The following LIMCH1 variants were observed in gnomAD, a reference collection of about 807,000 sequenced individuals.
LIMCH1 encodes LIM and calponin homology domains-containing protein 1.
A neutral mutation model predicts 176.5 loss-of-function variants in LIMCH1; 113 were observed. The ratio of observed to expected loss-of-function variants is 0.64; its 90% confidence interval spans 0.55 to 0.75. The LOEUF (loss-of-function observed/expected upper bound fraction) is 0.75, where lower values mean the gene tolerates loss of function less well. Among genes scored for constraint, LIMCH1 ranks in the 30% least tolerant of loss-of-function variants. The pLI is 0.00. For synonymous variants in LIMCH1, 619 were observed against 645.9 expected, an observed-to-expected ratio of 0.96 and a Z score of 0.63; for missense variants, 1,674 against 1,814.9, an observed-to-expected ratio of 0.92 and a Z score of 1.41.
intron 1 of LIMCH1, among the ~76,000 whole-genome samples, chr4:41,384,410 G>A (rs1971903): frequency 0.079 from 11,897 of 151,446 alleles, 545 homozygotes; most frequent in African/African-American, 0.13. Flanking sequence ...GGGTTTCACC[G>A]TATTAGCCAG....
chr4:41,634,811 G>A (rs1447102294), intron 13 of LIMCH1, among the ~76,000 whole-genome samples: 2 of 152,206 alleles, frequency 1.3e-5, no homozygotes, highest in Non-Finnish European at 2.9e-5. Flanking sequence ...GTAGAGAAAA[G>A]CTGCGTGAGT....
At chr4:41,632,713 C>T (rs999038010) in intron 10 of LIMCH1, 36 bp from the exon 11 acceptor site, 1 of 1,490,404 alleles carries the variant, frequency 6.7e-7, no homozygotes, top group African/African-American at 1.4e-5. Flanking sequence ...ATGTTCCTCT[C>T]CTCTCTTGCC....
chr4:41,368,629 T>C (rs1449263266), intron 1 of LIMCH1, among the ~76,000 whole-genome samples: 1 of 152,200 alleles, frequency 6.6e-6, no homozygotes, highest in Non-Finnish European at 1.5e-5. Context: ...ATGCTACACA[T>C]ACTTTTATTA....
At chr4:41,576,733 T>C (rs187678622) in intron 1 of LIMCH1, among the ~76,000 whole-genome samples, 6 of 152,334 alleles carry the variant, frequency 3.9e-5, no homozygotes, top group Admixed American at 3.9e-4. Context: ...TAGCCTAATT[T>C]GAGTGTAGTC....
In LIMCH1 at chr4:41,633,774, G is replaced by A; in HGVS notation, c.2056G>A (p.Glu686Lys). The change falls in exon 13 of 32, where the codon GAA becomes AAA. Residue 686 changes from glutamate (E) to lysine (K), a missense_variant. Physicochemically the swap from Glu to Lys is moderately conservative, Grantham distance 56. Transcript: ENST00000503057. ...VPFAKQQDVE[E>K]SSKGLPMKDQ... ...ATTTGCAAAGCAACAGGATGTGGAAGAATCTTCTAAAGGTCTACCCATGAA... is the reference window on the plus strand; with the variant it reads ...ATTTGCAAAGCAACAGGATGTGGAAAAATCTTCTAAAGGTCTACCCATGAA... The A allele has an allele frequency of 6.5e-7, 1 of 1,536,204 alleles. No individual in the cohort carries two copies. The highest frequency in any genetic ancestry group is 8.7e-7 in the Non-Finnish European group (1 of 1,146,930).
chr4:41,406,812 G>A (rs1235641990), intron 1 of LIMCH1, among the ~76,000 whole-genome samples: 1 of 152,048 alleles, frequency 6.6e-6, no homozygotes, highest in Non-Finnish European at 1.5e-5. Flanking sequence ...GAACTGAGGC[G>A]GGATATATAT....
intron 13 of LIMCH1, among the ~76,000 whole-genome samples, chr4:41,636,754 CAACTT>C (rs1183680204): frequency 6.6e-6 from 1 of 152,114 alleles, no homozygotes; most frequent in Non-Finnish European, 1.5e-5. Flanking sequence ...TGTGTAGAAA[CAACTT>C]AAATTCAGAT....
chr4:41,574,333 G>A (rs983851200), intron 1 of LIMCH1, among the ~76,000 whole-genome samples: 35 of 137,376 alleles, frequency 2.5e-4, no homozygotes, highest in Non-Finnish European at 4.1e-4. Context: ...TTGCTGTGTC[G>A]ACCAGGCTGG....
At chr4:41,367,951 A>C (rs1420201822) in intron 1 of LIMCH1, among the ~76,000 whole-genome samples, 1 of 152,082 alleles carries the variant, frequency 6.6e-6, no homozygotes, top group Non-Finnish European at 1.5e-5. Context: ...AACTGTTAAA[A>C]AAAATTCCTC....
intron 1 of LIMCH1, among the ~76,000 whole-genome samples, chr4:41,364,979 C>G (rs1157016149): frequency 2.0e-5 from 3 of 152,308 alleles, no homozygotes; most frequent in East Asian, 1.9e-4. Flanking sequence ...CCCCGCTTCT[C>G]TTGGCCTCAC....
In LIMCH1 at chr4:41,635,020, C is replaced by G. The variant is rs548919912; in HGVS notation, c.2090+1212C>G. Among the ~76,000 whole-genome samples the G allele has an allele frequency of 7.6e-4, 115 of 152,290 alleles. 2 individuals carry two copies. The South Asian group carries it at 0.023, about 31-fold the overall frequency. On this transcript the variant is annotated intron_variant, in intron 13 of 31. Transcript: ENST00000503057. ...TGCCTACTGGATACATTTAGGCGCT[C>G]TCCCATTCATTTATTCCTTACACTA...
chr4:41,484,368 G>T (rs1485550567), intron 1 of LIMCH1, among the ~76,000 whole-genome samples: 2 of 152,156 alleles, frequency 1.3e-5, no homozygotes, highest in Non-Finnish European at 2.9e-5. Context: ...TGATCGATTG[G>T]TTGATTTCTA....
chr4:41,498,628 C>G (rs2072644449), intron 2 of LIMCH1, among the ~76,000 whole-genome samples: 1 of 152,180 alleles, frequency 6.6e-6, no homozygotes, highest in African/African-American at 2.4e-5. Context: ...AAATATCAAT[C>G]ATATACGGCA....
At chr4:41,649,438 A>G (rs2094200127) in intron 17 of LIMCH1, among the ~76,000 whole-genome samples, 1 of 152,198 alleles carries the variant, frequency 6.6e-6, no homozygotes. Context: ...GCCTAATGAT[A>G]ATAATGGCTA....
intron 1 of LIMCH1, among the ~76,000 whole-genome samples, chr4:41,545,452 G>C (rs1378995357): frequency 6.6e-6 from 1 of 152,200 alleles, no homozygotes; most frequent in Non-Finnish European, 1.5e-5. Flanking sequence ...ACTGTGGAAA[G>C]TGAAGGGCAG....
intron 1 of LIMCH1, among the ~76,000 whole-genome samples, chr4:41,407,358 C>G: frequency 6.6e-6 from 1 of 152,216 alleles, no homozygotes; most frequent in South Asian, 2.1e-4. Context: ...CCACCTGAGT[C>G]GCTAGGACTA....
chr4:41,692,339 C>T lies in LIMCH1; in HGVS notation c.4333C>T (p.Arg1445Ter), dbSNP rs1291153123. 6.2e-7 allele frequency: 1 copy of T among 1,613,268 alleles called. No individual in the cohort carries two copies. Among genetic ancestry groups the T allele is most frequent in the Non-Finnish European group, 8.5e-7 (1 of 1,179,528 alleles). The change falls in exon 31 of 32, where the codon CGA becomes TGA. Residue 1445 changes from arginine to a stop codon, truncating the protein, a stop_gained. Transcript: ENST00000503057. LOFTEE classifies it high-confidence loss of function. ...DAVSGTDVRIRNGLLNCNDCY... is the reference protein window; with the variant it reads ...DAVSGTDVRI ...AGTGAGTGGGACGGATGTTAGGATT[C>T]GAAATGGTCTCCTGAACTGTAATGA...
intron 1 of LIMCH1, among the ~76,000 whole-genome samples, chr4:41,593,654 C>G (rs2088106387): frequency 1.3e-5 from 2 of 152,202 alleles, no homozygotes; most frequent in Non-Finnish European, 2.9e-5. Flanking sequence ...ACAGGGTCAT[C>G]CAGCTATGGT....
chr4:41,672,625 A>G (rs961814913), intron 22 of LIMCH1, among the ~76,000 whole-genome samples: 2 of 152,230 alleles, frequency 1.3e-5, no homozygotes, highest in African/African-American at 4.8e-5. Flanking sequence ...TAATGAAATA[A>G]GAAAACATTT....
Sources: gnomAD v4.1 joint callset for allele counts (sites outside exome capture counted in the v4.1 genomes callset) on GRCh38, gnomAD v4.1.1 for gene constraint, MANE v1.5 for transcripts, NCBI Gene and HGNC (gene_info 2026-07-23, HGNC 2026-07-21) for gene names.